MAGI2: variants seen among roughly 807,000 people sequenced by gnomAD.
MAGI2 encodes membrane-associated guanylate kinase, WW and PDZ domain-containing protein 2.
MAGI2 carries 35 observed loss-of-function variants against 133.3 expected under a neutral mutation model. That is an observed-to-expected ratio of 0.26 (90% confidence interval 0.20 to 0.35). MAGI2 has a LOEUF of 0.35. MAGI2 is among the 10% of genes least tolerant of loss of function. The pLI is 1.00. For synonymous variants in MAGI2, 729 were observed against 710.6 expected (o/e 1.03, Z -0.41); for missense variants, 1,636 against 1,863.4 (o/e 0.88, Z 2.25).
chr7:78,894,105 A>C (rs1372820488), intron 2 of MAGI2, among the ~76,000 whole-genome samples: 1 of 152,188 alleles, frequency 6.6e-6, no homozygotes, highest in African/African-American at 2.4e-5. Context: ...ATGATTTTTA[A>C]AAACTGTTAT....
At chr7:79,264,997 C>A (rs755158117) in intron 1 of MAGI2, among the ~76,000 whole-genome samples, 1 of 152,084 alleles carries the variant, frequency 6.6e-6, no homozygotes, top group Non-Finnish European at 1.5e-5. Context: ...ACCCCCATGA[C>A]CCCACCACCT....
chr7:78,857,408 C>T (rs949595802), intron 2 of MAGI2, among the ~76,000 whole-genome samples: 1 of 151,972 alleles, frequency 6.6e-6, no homozygotes. Context: ...ATAGCTCTTA[C>T]TATTTTGAGA....
chr7:78,559,181 G>GAAAAA (rs1800158460), intron 3 of MAGI2, among the ~76,000 whole-genome samples: 1 of 19,400 alleles, frequency 5.2e-5, no homozygotes, highest in African/African-American at 1.8e-4. Flanking sequence ...AAAAAGAAAA[G>GAAAAA]AAAAGAAAAG....
intron 2 of MAGI2, among the ~76,000 whole-genome samples, chr7:78,686,394 C>G (rs943207619): frequency 6.6e-6 from 1 of 152,090 alleles, no homozygotes; most frequent in African/African-American, 2.4e-5. Context: ...ACCATGGCTA[C>G]CTTTCAATCA....
chr7:78,871,168 G>C (rs762016402), intron 2 of MAGI2, among the ~76,000 whole-genome samples: 3 of 152,020 alleles, frequency 2.0e-5, no homozygotes, highest in Non-Finnish European at 4.4e-5. Context: ...AAAACTAGCC[G>C]GGCGTGGTGG....
At position 78,910,895 on chromosome 7, in the gene MAGI2, GT is replaced by G; in HGVS notation, c.418+96194del. 2.6e-5 allele frequency among the ~76,000 whole-genome samples: 4 copies of G among 152,266 alleles called. 1 individual carries two copies. The highest frequency in any genetic ancestry group is 2.6e-4 in the Admixed American group (4 of 15,290). On this transcript the variant is annotated intron_variant, in intron 2 of 21. Transcript: ENST00000354212. ...TAGCTTGTTTTATATTTCAGATTCTGTTCTAAATTCATTTCCTTTGCTACAT... is the reference window on the plus strand; with the variant it reads ...TAGCTTGTTTTATATTTCAGATTCTGTCTAAATTCATTTCCTTTGCTACAT...
At chr7:78,499,909 G>T in intron 5 of MAGI2, among the ~76,000 whole-genome samples, 1 of 152,036 alleles carries the variant, frequency 6.6e-6, no homozygotes, top group East Asian at 1.9e-4. Flanking sequence ...TCAAAATTAT[G>T]TTTCTAGATA....
chr7:78,642,441 T>C (rs1192404713), intron 2 of MAGI2, among the ~76,000 whole-genome samples: 3 of 152,286 alleles, frequency 2.0e-5, no homozygotes, highest in Admixed American at 6.5e-5. Flanking sequence ...ATTTTGAAAA[T>C]TGATTCAACA....
At chr7:78,627,942 C>T (rs987497402) in intron 2 of MAGI2, among the ~76,000 whole-genome samples, 3 of 152,178 alleles carry the variant, frequency 2.0e-5, no homozygotes, top group African/African-American at 4.8e-5. Context: ...TTCATTACTG[C>T]CTCTAATTCT....
At chr7:78,600,517 A>C (rs1805087112) in intron 3 of MAGI2, among the ~76,000 whole-genome samples, 1 of 152,206 alleles carries the variant, frequency 6.6e-6, no homozygotes, top group African/African-American at 2.4e-5. Context: ...TTGTGTAGAA[A>C]ATAGCATTCA....
At chr7:78,713,314 G>A (rs1319244583) in intron 2 of MAGI2, among the ~76,000 whole-genome samples, 1 of 152,034 alleles carries the variant, frequency 6.6e-6, no homozygotes, top group Non-Finnish European at 1.5e-5. Context: ...TTATGTACTA[G>A]GCCCTATGCT....
At chr7:79,402,696 T>C (rs1845550603) in intron 1 of MAGI2, among the ~76,000 whole-genome samples, 1 of 152,182 alleles carries the variant, frequency 6.6e-6, no homozygotes. Flanking sequence ...GCGCAGTGGC[T>C]CACACCTGTA....
intron 2 of MAGI2, among the ~76,000 whole-genome samples, chr7:78,769,632 C>G (rs1268725782): frequency 1.3e-5 from 2 of 152,150 alleles, no homozygotes; most frequent in Non-Finnish European, 2.9e-5. Flanking sequence ...AAGACCATCT[C>G]CCTCAGGACG....
At chr7:78,731,462 G>T (rs1821361918) in intron 2 of MAGI2, among the ~76,000 whole-genome samples, 1 of 152,100 alleles carries the variant, frequency 6.6e-6, no homozygotes, top group African/African-American at 2.4e-5. Flanking sequence ...TTTGAAGGAA[G>T]AAATGAAATA....
chr7:78,102,931 C>T (rs923898814), intron 20 of MAGI2, among the ~76,000 whole-genome samples: 2 of 152,156 alleles, frequency 1.3e-5, no homozygotes, highest in Non-Finnish European at 2.9e-5. Context: ...CGGGGGGATT[C>T]TCTGGAGTCC....
At chr7:79,332,375 T>C (rs544347263) in intron 1 of MAGI2, among the ~76,000 whole-genome samples, 5 of 152,362 alleles carry the variant, frequency 3.3e-5, no homozygotes, top group African/African-American at 9.6e-5. Context: ...CCTTTATCCC[T>C]GGTAGCTCTT....
chr7:79,059,187 C>T (rs1813473543), intron 1 of MAGI2, among the ~76,000 whole-genome samples: 2 of 151,978 alleles, frequency 1.3e-5, no homozygotes, highest in South Asian at 4.1e-4. Context: ...TACACACTCT[C>T]ATAATATCCT....
At chr7:78,197,690 T>G (rs1307054341) in intron 11 of MAGI2, 2 of 152,230 alleles carry the variant, frequency 1.3e-5, no homozygotes, top group Non-Finnish European at 2.9e-5. Context: ...CTTCCTGTTG[T>G]GACATTCATT....
At chr7:78,870,481 A>T (rs1199239627) in intron 2 of MAGI2, among the ~76,000 whole-genome samples, 1 of 152,218 alleles carries the variant, frequency 6.6e-6, no homozygotes, top group African/African-American at 2.4e-5. Context: ...GGAAATGCAA[A>T]TTAAAACTAC....
Sources: gnomAD v4.1 joint callset for allele counts (sites outside exome capture counted in the v4.1 genomes callset) on GRCh38, gnomAD v4.1.1 for gene constraint, MANE v1.5 for transcripts, NCBI Gene and HGNC (gene_info 2026-07-23, HGNC 2026-07-21) for gene names.